UTY: variants seen among roughly 807,000 people sequenced by gnomAD.
UTY encodes histone demethylase UTY.
A neutral mutation model predicts 32.5 loss-of-function variants in UTY; 12 were observed. That is an observed-to-expected ratio of 0.37 (90% CI 0.24 to 0.60). UTY has a LOEUF of 0.60. Ranked by LOEUF, UTY falls within the 20% of genes least tolerant of loss-of-function variation. The pLI is 0.69. For missense variants in UTY, 303 were observed against 299.2 expected, an observed-to-expected ratio of 1.01 and a Z score of -0.09; for synonymous variants, 131 against 103.4, an observed-to-expected ratio of 1.27 and a Z score of -1.62.
chrY:13,318,417 A>G, intron 21 of UTY, among the ~76,000 whole-genome samples: 1 of 31,498 alleles, frequency 3.2e-5, no homozygotes, highest in South Asian at 7.0e-4. Context: ...AGTGAAGTAT[A>G]TCACGACCCA....
At chrY:13,323,819 C>T (rs1029399894) in intron 20 of UTY, 59 bp from the exon 21 acceptor site, 9 of 288,949 alleles carry the variant, frequency 3.1e-5, no homozygotes, top group Non-Finnish European at 4.6e-5. Flanking sequence ...ATTAAAATGT[C>T]AAAGTATTTT....
chrY:13,245,149 AAT>A (rs2053934059), downstream of UTY, among the ~76,000 whole-genome samples: 1 of 33,965 alleles, frequency 2.9e-5, no homozygotes, highest in South Asian at 6.4e-4. Flanking sequence ...ATGGATTATG[AAT>A]ATAAACGTAA....
chrY:13,365,031 A>C, intron 10 of UTY, among the ~76,000 whole-genome samples: 1 of 33,685 alleles, frequency 3.0e-5, no homozygotes, highest in African/African-American at 1.2e-4. Context: ...ATAAACAGCA[A>C]ATTTCTACTG....
intron 6 of UTY, among the ~76,000 whole-genome samples, chrY:13,406,566 C>G (rs2070046513): frequency 3.2e-5 from 1 of 30,867 alleles, no homozygotes; most frequent in African/African-American, 1.2e-4. Context: ...TTTTCAAACA[C>G]AAAGGATTTT....
chrY:13,243,211 G>C (rs2053922006), intron 28 of UTY, among the ~76,000 whole-genome samples: 1 of 29,965 alleles, frequency 3.3e-5, no homozygotes, highest in Non-Finnish European at 8.0e-5. Flanking sequence ...CTCCAGCCTG[G>C]GTGACTGGAG....
chrY:13,246,977 A>T, downstream of UTY, among the ~76,000 whole-genome samples: 1 of 32,022 alleles, frequency 3.1e-5, no homozygotes, highest in Admixed American at 2.9e-4. Context: ...CAGAAATGCA[A>T]ATCAATCTAA....
intron 8 of UTY, among the ~76,000 whole-genome samples, chrY:13,383,323 G>A: frequency 6.5e-5 from 2 of 30,539 alleles, no homozygotes; most frequent in Non-Finnish European, 1.6e-4. Flanking sequence ...CTGGCTGGGC[G>A]CAGTGGCTCA....
intron 3 of UTY, among the ~76,000 whole-genome samples, chrY:13,460,768 A>G: frequency 3.0e-5 from 1 of 33,248 alleles, no homozygotes. Flanking sequence ...AATTTTAGTA[A>G]GATAGCATAA....
intron 21 of UTY, 99 bp from the exon 22 acceptor site, chrY:13,306,349 T>C: frequency 5.6e-6 from 1 of 177,819 alleles, no homozygotes; most frequent in African/African-American, 8.7e-5. Context: ...GTATTGACTA[T>C]TTTTGAGAAA....
At chrY:13,255,131 A>C (rs1603245629) in intron 28 of UTY, among the ~76,000 whole-genome samples, 2 of 33,368 alleles carry the variant, frequency 6.0e-5, no homozygotes, top group South Asian at 1.4e-3. Context: ...TATATTTTGC[A>C]TTGTGAAGGG....
chrY:13,312,347 C>T (rs1603373129), intron 21 of UTY, among the ~76,000 whole-genome samples: 1 of 25,278 alleles, frequency 4.0e-5, no homozygotes, highest in Non-Finnish European at 9.4e-5. Flanking sequence ...GAGCCGAGAT[C>T]GCGCCACTGC....
At chrY:13,397,568 AAAG>A (rs2068385528) in intron 6 of UTY, among the ~76,000 whole-genome samples, 1 of 33,530 alleles carries the variant, frequency 3.0e-5, no homozygotes, top group Non-Finnish European at 7.4e-5. Flanking sequence ...TTTATTGACA[AAAG>A]AAGAAATTGG....
intron 27 of UTY, among the ~76,000 whole-genome samples, chrY:13,282,340 C>T (rs1603299051): frequency 3.1e-5 from 1 of 32,734 alleles, no homozygotes; most frequent in South Asian, 7.1e-4. Context: ...GTTTTATACT[C>T]AGTACTTATT....
chrY:13,470,116 A>G lies in UTY; in HGVS notation c.325+5T>C. 1 of 376,044 alleles carries G rather than the reference A, an allele frequency of 2.7e-6. No individual in the cohort carries two copies. Among genetic ancestry groups the G allele is most frequent in the African/African-American group, 6.3e-5 (1 of 15,827 alleles). 93.8% of individuals were successfully genotyped at this position (376,044 alleles called of 400,897 possible). A position where few individuals can be genotyped will look rare whatever the true frequency, so the allele number is the denominator to read the frequency against. On this transcript the variant is annotated splice_donor_5th_base_variant and intron_variant, in intron 3 of 29. Transcript: ENST00000545955. ...GCAAGAAATTTAGAAAGAGAATAAC[A>G]ATACCTTTTGAATAATCTTCCAACA...
At chrY:13,378,733 C>A (rs1603444882) in intron 8 of UTY, among the ~76,000 whole-genome samples, 2 of 32,429 alleles carry the variant, frequency 6.2e-5, no homozygotes, top group East Asian at 1.7e-3. Flanking sequence ...CGAGATCACA[C>A]CATTGCACTT....
chrY:13,273,798 A>C (rs2056448416), intron 27 of UTY, among the ~76,000 whole-genome samples: 1 of 31,375 alleles, frequency 3.2e-5, no homozygotes, highest in Non-Finnish European at 7.7e-5. Flanking sequence ...TTATAGTTTT[A>C]TTTGCCTGAT....
chrY:13,441,566 A>G, intron 4 of UTY, among the ~76,000 whole-genome samples: 4 of 33,926 alleles, frequency 1.2e-4, no homozygotes, highest in Non-Finnish European at 2.2e-4. Flanking sequence ...CCCAGCAGGC[A>G]AATTAGCTTG....
chrY:13,455,589 T>C, intron 3 of UTY, among the ~76,000 whole-genome samples: 3 of 33,476 alleles, frequency 9.0e-5, no homozygotes. Context: ...GAAAAATAGT[T>C]CTATATTCCC....
chrY:13,369,737 C>A, intron 8 of UTY, among the ~76,000 whole-genome samples: 6 of 33,303 alleles, frequency 1.8e-4, no homozygotes, highest in Non-Finnish European at 4.5e-4. Flanking sequence ...TAAAAAAAAT[C>A]TGTATCTCAA....
Sources: allele counts gnomAD v4.1 joint callset (sites outside exome capture counted in the v4.1 genomes callset), GRCh38; gene constraint gnomAD v4.1.1; transcripts MANE v1.5; gene names NCBI Gene and HGNC (gene_info 2026-07-23, HGNC 2026-07-21).